PCSK5: variants seen among roughly 807,000 people sequenced by gnomAD.
PCSK5 encodes prohormone convertase 5.
PCSK5 carries 129 observed loss-of-function variants against 233.2 expected under a neutral mutation model. That is an observed-to-expected ratio of 0.55 (90% CI 0.48 to 0.64). PCSK5 has a LOEUF of 0.64. Ranked by LOEUF, PCSK5 falls within the 30% of genes least tolerant of loss-of-function variation. PCSK5 has a pLI of 0.00. For synonymous variants in PCSK5, 825 were observed against 879.2 expected, an observed-to-expected ratio of 0.94 and a Z score of 1.09; for missense variants, 2,076 against 2,430.1, an observed-to-expected ratio of 0.85 and a Z score of 3.06.
At chr9:76,297,384 C>T (rs1828472102) in intron 27 of PCSK5, among the ~76,000 whole-genome samples, 3 of 152,132 alleles carry the variant, frequency 2.0e-5, no homozygotes, top group Admixed American at 2.0e-4. Flanking sequence ...AGCTCACCGT[C>T]AGTCAAGCTT....
chr9:76,336,530 C>T (rs1032199424), intron 34 of PCSK5, among the ~76,000 whole-genome samples: 16 of 152,112 alleles, frequency 1.1e-4, no homozygotes, highest in South Asian at 2.1e-4. Context: ...TTTGTTGTAG[C>T]GTTTAACAGT....
chr9:75,934,634 T>C (rs1823968405), intron 2 of PCSK5, among the ~76,000 whole-genome samples: 1 of 151,750 alleles, frequency 6.6e-6, no homozygotes. Flanking sequence ...CAGGCTGGAG[T>C]GCAATGGCGC....
At chr9:75,942,885 C>CTTTTT (rs1393843650) in intron 2 of PCSK5, among the ~76,000 whole-genome samples, 3 of 85,720 alleles carry the variant, frequency 3.5e-5, no homozygotes, top group South Asian at 3.4e-4. Context: ...TCTTCTTCTT[C>CTTTTT]TTTTTTTTTT....
At chr9:76,352,047 ATAGAG>A (rs1564197422) in intron 36 of PCSK5, among the ~76,000 whole-genome samples, 1 of 152,244 alleles carries the variant, frequency 6.6e-6, no homozygotes, top group Non-Finnish European at 1.5e-5. Flanking sequence ...GGGCAAATCC[ATAGAG>A]TAAAGTGAAA....
chr9:75,946,236 C>T (rs1025598066), intron 2 of PCSK5, among the ~76,000 whole-genome samples: 13 of 152,144 alleles, frequency 8.5e-5, no homozygotes, highest in Non-Finnish European at 1.5e-4. Flanking sequence ...GTGATGTACA[C>T]GGTACTGTCT....
chr9:76,135,438 G>A (rs1822930079), intron 10 of PCSK5, among the ~76,000 whole-genome samples: 1 of 151,930 alleles, frequency 6.6e-6, no homozygotes, highest in African/African-American at 2.4e-5. Context: ...ATATTTCTCT[G>A]CTTTGAAGTA....
chr9:76,200,121 T>G (rs1323571979), intron 20 of PCSK5, among the ~76,000 whole-genome samples: 6 of 151,932 alleles, frequency 3.9e-5, no homozygotes, highest in Non-Finnish European at 7.4e-5. Context: ...CTCCTTTCCC[T>G]AATCAGTTCC....
intron 3 of PCSK5, among the ~76,000 whole-genome samples, chr9:76,021,186 G>A (rs1377486390): frequency 1.3e-5 from 2 of 152,098 alleles, no homozygotes; most frequent in Non-Finnish European, 2.9e-5. Flanking sequence ...TGAAATCCTA[G>A]GGCAGACTTA....
chr9:75,918,294 C>T (rs530301367), intron 1 of PCSK5, among the ~76,000 whole-genome samples: 1 of 152,282 alleles, frequency 6.6e-6, no homozygotes, highest in South Asian at 2.1e-4. Flanking sequence ...TTGAATGTTG[C>T]TTCATCAACA....
chr9:75,957,079 A>G (rs1030143965), intron 2 of PCSK5, among the ~76,000 whole-genome samples: 1 of 152,198 alleles, frequency 6.6e-6, no homozygotes, highest in African/African-American at 2.4e-5. Flanking sequence ...TGCTGTCTGT[A>G]GGCTTACCCA....
rs1824527515 is a variant in PCSK5, at chr9:75,945,561, C to T, written c.297+13078C>T. On this transcript the variant is annotated intron_variant, in intron 2 of 37. Coordinates refer to ENST00000674117, the MANE Select transcript of PCSK5 (RefSeq NM_001372043.1). The stretch of plus-strand genomic sequence containing the variant: ...CTCTACTTCCACTGCTGTTCTTCTA[C>T]AGTCATTCTCCACAGAGAGTAAACT... Among the ~76,000 whole-genome samples the T allele has an allele frequency of 2.0e-5, 3 of 152,294 alleles. No homozygotes were observed. The South Asian group carries it at 6.2e-4, about 32-fold the overall frequency.
chr9:76,130,694 A>T (rs927337537), intron 9 of PCSK5, among the ~76,000 whole-genome samples: 2 of 152,198 alleles, frequency 1.3e-5, no homozygotes, highest in Non-Finnish European at 2.9e-5. Context: ...CGAGAAAGTC[A>T]TGTTCATTTC....
intron 7 of PCSK5, among the ~76,000 whole-genome samples, chr9:76,075,520 C>A (rs996423826): frequency 6.6e-6 from 1 of 151,896 alleles, no homozygotes; most frequent in Non-Finnish European, 1.5e-5. Context: ...TTAAATAAAT[C>A]TTTCTTGGGG....
chr9:76,188,589 C>T lies in PCSK5; in HGVS notation c.2294C>T (p.Ser765Phe), dbSNP rs1220824735. 6.2e-7 allele frequency: 1 copy of T among 1,612,854 alleles called. No homozygotes were observed. The highest frequency in any genetic ancestry group is 1.3e-5 in the African/African-American group (1 of 75,016). ...TATACTTCTTCCAGCCTGCAGGGATCCCGGTGCTCTGTCTCCTGTGAAGAT... is the reference window on the plus strand; with the variant it reads ...TATACTTCTTCCAGCCTGCAGGGATTCCGGTGCTCTGTCTCCTGTGAAGAT... ...ECRDGLSLQG[S>F]RCSVSCEDGR... is the part of the protein sequence containing the mutation. The change falls in exon 18 of 38, where the codon TCC becomes TTC. Residue 765 changes from serine (S) to phenylalanine (F), a missense_variant. By Grantham distance (155) the Ser-to-Phe change is radical. Around this residue, in one of 6 missense-constraint regions of PCSK5, gnomAD observed 1,510 missense variants for 1,538.1 expected, o/e 0.98. Coordinates refer to ENST00000674117, the MANE Select transcript of PCSK5 (RefSeq NM_001372043.1).
At chr9:76,015,940 C>CTTAA (rs1306509881) in intron 3 of PCSK5, among the ~76,000 whole-genome samples, 4 of 152,328 alleles carry the variant, frequency 2.6e-5, no homozygotes, top group East Asian at 3.9e-4. Flanking sequence ...GCTATACTGT[C>CTTAA]TTAAGTTCCT....
At chr9:76,164,946 A>T (rs1823030995) in intron 12 of PCSK5, among the ~76,000 whole-genome samples, 1 of 152,046 alleles carries the variant, frequency 6.6e-6, no homozygotes. Context: ...TTACCAAAAA[A>T]AAAAAAACTT....
At chr9:76,013,100 T>C (rs1008548276) in intron 3 of PCSK5, among the ~76,000 whole-genome samples, 4 of 152,160 alleles carry the variant, frequency 2.6e-5, no homozygotes, top group Non-Finnish European at 4.4e-5. Flanking sequence ...ATAAGTCTTT[T>C]TTGTCCTTTG....
intron 37 of PCSK5, among the ~76,000 whole-genome samples, chr9:76,355,029 A>C (rs1830262986): frequency 6.6e-6 from 1 of 152,158 alleles, no homozygotes. Flanking sequence ...ACATTTTAGA[A>C]ATGAATTTTT....
intron 10 of PCSK5, among the ~76,000 whole-genome samples, chr9:76,134,730 T>C (rs1252416777): frequency 1.3e-5 from 2 of 152,038 alleles, no homozygotes; most frequent in Admixed American, 1.3e-4. Flanking sequence ...AAACTAAAAA[T>C]TTTAATGAAG....
Sources: allele counts gnomAD v4.1 joint callset (sites outside exome capture counted in the v4.1 genomes callset), GRCh38; gene constraint gnomAD v4.1.1; regional missense constraint gnomAD v4.1.1; transcripts MANE v1.5; gene names NCBI Gene and HGNC (gene_info 2026-07-23, HGNC 2026-07-21).